The following PRUNE2 variants were observed in gnomAD, a reference collection of about 807,000 sequenced individuals.
PRUNE2 encodes the protein protein prune homolog 2.
A neutral mutation model predicts 252.0 loss-of-function variants in PRUNE2; 164 were observed. That is an observed-to-expected ratio of 0.65 (90% CI 0.57 to 0.74). The LOEUF is 0.74. Among genes scored for constraint, PRUNE2 ranks in the 30% least tolerant of loss-of-function variants. The pLI, the probability that PRUNE2 is intolerant of heterozygous loss-of-function variation, is 0.00. For synonymous variants in PRUNE2, 1,292 were observed against 1,350.2 expected (o/e 0.96, Z 0.94); for missense variants, 3,495 against 3,711.0 (o/e 0.94, Z 1.51).
At chr9:76,870,407 C>T (rs924758361) in intron 1 of PRUNE2, among the ~76,000 whole-genome samples, 3 of 151,838 alleles carry the variant, frequency 2.0e-5, no homozygotes, top group African/African-American at 7.3e-5. Flanking sequence ...ATCCTCCGGC[C>T]GGGTGCGGTG....
rs569398244 is a variant in PRUNE2 at position 76,752,902 on chromosome 9, A to G, written c.757-39181T>C. 3.3e-5 allele frequency among the ~76,000 whole-genome samples: 5 copies of G among 152,364 alleles called. No homozygotes were observed. The East Asian group carries it at 9.6e-4, about 29-fold the overall frequency. On this transcript the variant is annotated intron_variant, in intron 6 of 18. Transcript: ENST00000376718. ...GTCCAATCCTTGAGAGCATTTGAAAAGAGTCATTGGGCTGCCCTCTGATAA... is the reference window on the plus strand; with the variant it reads ...GTCCAATCCTTGAGAGCATTTGAAAGGAGTCATTGGGCTGCCCTCTGATAA...
At chr9:76,717,353 T>C (rs571936138) in intron 6 of PRUNE2, among the ~76,000 whole-genome samples, 9 of 152,184 alleles carry the variant, frequency 5.9e-5, no homozygotes, top group Non-Finnish European at 1.3e-4. Context: ...TAATTTATTA[T>C]TGTCTTCTAG....
intron 18 of PRUNE2, among the ~76,000 whole-genome samples, chr9:76,615,993 C>T (rs1587616083): frequency 1.3e-5 from 2 of 152,000 alleles, no homozygotes; most frequent in African/African-American, 2.4e-5. Context: ...TGATCTCGAT[C>T]TCTTGACCTC....
chr9:76,710,554 G>C lies in PRUNE2; in HGVS notation c.1720C>G (p.Gln574Glu). The C allele has an allele frequency of 6.2e-7, 1 of 1,613,902 alleles. No homozygotes were observed. The highest frequency in any genetic ancestry group is 8.5e-7 in the Non-Finnish European group (1 of 1,179,868). ...VEHDEEFVQR[Q>E]DSPRDNSERN... is the part of the protein sequence containing the mutation. ...TCAGAGTTATCTCTGGGACTGTCTTGTCTCTGGACAAACTCCTCATCATGT... is the reference window on the plus strand; with the variant it reads ...TCAGAGTTATCTCTGGGACTGTCTTCTCTCTGGACAAACTCCTCATCATGT... Residue 574 changes from glutamine (Q) to glutamate (E), a missense_variant, in exon 8 of 19, where the codon CAA becomes GAA. Gln to Glu is a conservative substitution (Grantham distance 29). Transcript: ENST00000376718.
chr9:76,727,225 C>A (rs1014318083), intron 6 of PRUNE2, among the ~76,000 whole-genome samples: 2 of 152,170 alleles, frequency 1.3e-5, no homozygotes, highest in Non-Finnish European at 2.9e-5. Flanking sequence ...CAGTTAAGAA[C>A]CACTGCTTTA....
intron 6 of PRUNE2, among the ~76,000 whole-genome samples, chr9:76,747,910 C>T (rs556584148): frequency 1.3e-5 from 2 of 152,196 alleles, no homozygotes; most frequent in East Asian, 3.9e-4. Context: ...ATTCTCCCGC[C>T]TCAGCCTCCT....
chr9:76,773,409 G>A (rs1026913422), intron 6 of PRUNE2, among the ~76,000 whole-genome samples: 2 of 149,492 alleles, frequency 1.3e-5, no homozygotes, highest in Non-Finnish European at 1.5e-5. Context: ...CATTCATCCC[G>A]CAGTCACATC....
At position 76,707,112 on chromosome 9, in the gene PRUNE2, T is replaced by C; in HGVS notation, c.5162A>G (p.Asn1721Ser). ...TGTGACCAAGAACTTATTAGATTCA[T>C]TCAATGAATCCCAAGCTCTGGATTC... is the stretch of plus-strand genomic sequence containing the variant. Reference protein sequence around the residue: ...EDESRAWDSLNESNKFLVTAD... With the variant: ...EDESRAWDSLSESNKFLVTAD... The change falls in exon 8 of 19, where the codon AAT (asparagine) becomes AGT (serine). Residue 1721 changes from asparagine to serine, a missense_variant. Asn to Ser is a conservative substitution (Grantham distance 46). Transcript: ENST00000376718. The C allele has an allele frequency of 1.9e-6, 3 of 1,613,978 alleles. No individual in the cohort carries two copies. The highest frequency in any genetic ancestry group is 1.7e-6 in the Non-Finnish European group (2 of 1,179,876).
intron 6 of PRUNE2, among the ~76,000 whole-genome samples, chr9:76,800,016 C>G (rs2056432691): frequency 6.6e-6 from 1 of 152,062 alleles, no homozygotes. Flanking sequence ...GCCAAGAGAC[C>G]AAAGACCCCA....
At position 76,711,205 on chromosome 9, in the gene PRUNE2, A is replaced by T; in HGVS notation, c.1069T>A (p.Cys357Ser). The change falls in exon 8 of 19, where the codon TGT (cysteine) becomes AGT (serine). Residue 357 changes from cysteine (C) to serine (S), a missense_variant. Transcript: ENST00000376718. ...LVVKEVINRR[C>S]PEMVSNSRTS... ...CGGCTATTGGAGACCATCTCTGGAC[A>T]CCTCCTGTTGATGACTTCCTTGACA... The T allele has an allele frequency of 6.2e-7, 1 of 1,613,852 alleles. No individual in the cohort carries two copies.
rs548628894 is a variant in PRUNE2 at position 76,827,802 on chromosome 9, G to A, written c.509-1070C>T. ...GTCCCAAGCAAGTCGTCTGGCCTCC[G>A]TTTCCAGTTTCCCATTTTTAAAACA... On this transcript the variant is annotated intron_variant, in intron 4 of 18. Coordinates refer to ENST00000376718, the MANE Select transcript of PRUNE2 (RefSeq NM_015225.3). Among the ~76,000 whole-genome samples, 4 of 152,258 alleles carry A rather than the reference G, an allele frequency of 2.6e-5. No individual in the cohort carries two copies. In the East Asian group the frequency reaches 5.8e-4, roughly 22 times the overall value.
chr9:76,872,179 C>T (rs529931257), intron 1 of PRUNE2, among the ~76,000 whole-genome samples: 103 of 152,224 alleles, frequency 6.8e-4, no homozygotes, highest in African/African-American at 2.3e-3. Context: ...GCAAGCCCCA[C>T]CTTCCAAGCA....
intron 4 of PRUNE2, among the ~76,000 whole-genome samples, chr9:76,829,848 C>T (rs979980948): frequency 2.0e-5 from 3 of 151,798 alleles, no homozygotes; most frequent in Admixed American, 1.3e-4. Flanking sequence ...TTAGTCTCAT[C>T]ATCTCCACAT....
intron 6 of PRUNE2, chr9:76,817,966 G>A (rs1171661080): frequency 6.6e-6 from 1 of 152,020 alleles, no homozygotes; most frequent in Non-Finnish European, 1.5e-5. Context: ...TCTATTAGTT[G>A]GGCAAAATGG....
intron 6 of PRUNE2, among the ~76,000 whole-genome samples, chr9:76,792,648 T>C (rs965615418): frequency 5.3e-5 from 8 of 152,232 alleles, no homozygotes; most frequent in Non-Finnish European, 8.8e-5. Context: ...AATGTACATT[T>C]TGTCCACTAC....
At chr9:76,727,284 A>G (rs1347393476) in intron 6 of PRUNE2, among the ~76,000 whole-genome samples, 7 of 152,232 alleles carry the variant, frequency 4.6e-5, no homozygotes, top group Non-Finnish European at 1.0e-4. Flanking sequence ...AATTCAAGTC[A>G]CACTCAACTG....
intron 6 of PRUNE2, among the ~76,000 whole-genome samples, chr9:76,764,790 A>T (rs2130803496): frequency 6.6e-6 from 1 of 152,258 alleles, no homozygotes; most frequent in East Asian, 1.9e-4. Context: ...TTTGGAGTGA[A>T]CAAGCTATTT....
chr9:76,706,440 G>T lies in PRUNE2; in HGVS notation c.5834C>A (p.Ala1945Asp), dbSNP rs1293973253. Residue 1945 changes from alanine (A) to aspartate (D), a missense_variant, in exon 8 of 19, where the codon GCT (alanine) becomes GAT (aspartate). Physicochemically the swap from Ala to Asp is moderately radical, Grantham distance 126 (BLOSUM62 -2). Transcript: ENST00000376718. ...TGTTTCAGGAGTCAGCTCATCACCA[G>T]CAGCAGACACAAAGGTTTGCTCTCT... The part of the protein sequence containing the change: ...DSREQTFVSA[A>D]GDELTPETPT... 1.2e-6 allele frequency: 2 copies of T among 1,613,838 alleles called. No individual in the cohort carries two copies. Among genetic ancestry groups the T allele is most frequent in the East Asian group, 2.2e-5 (1 of 44,892 alleles).
intron 6 of PRUNE2, among the ~76,000 whole-genome samples, chr9:76,761,085 CAAAA>C (rs34127776): frequency 1.1e-5 from 1 of 93,660 alleles, no homozygotes; most frequent in African/African-American, 4.0e-5. Flanking sequence ...GACTCTGTCT[CAAAA>C]AAAAAAAAAA....
Sources: allele counts gnomAD v4.1 joint callset (sites outside exome capture counted in the v4.1 genomes callset), GRCh38; gene constraint gnomAD v4.1.1; transcripts MANE v1.5; gene names NCBI Gene and HGNC (gene_info 2026-07-23, HGNC 2026-07-21).